The following EFR3A variants were observed in gnomAD, a reference collection of about 807,000 sequenced individuals.
EFR3A encodes the protein EFR3 homolog A, also known as protein EFR3 homolog A.
A neutral mutation model predicts 104.4 loss-of-function variants in EFR3A; 76 were observed. The observed-to-expected ratio is 0.73, with a 90% confidence interval of 0.60 to 0.88. The LOEUF is 0.88. Among genes scored for constraint, EFR3A ranks in the 40% least tolerant of loss-of-function variants. EFR3A has a pLI of 0.00. For missense variants in EFR3A, 985 were observed against 1,012.5 expected (o/e 0.97, Z 0.37); for synonymous variants, 330 against 330.0 (o/e 1.00, Z 0.00).
chr8:131,978,893 G>A lies in EFR3A; in HGVS notation c.1373G>A (p.Gly458Glu), dbSNP rs1462655161. 2 of 1,611,530 alleles carry A rather than the reference G, an allele frequency of 1.2e-6. No homozygotes were observed. Among genetic ancestry groups the A allele is most frequent in the African/African-American group, 1.3e-5 (1 of 74,824 alleles). The change falls in exon 13 of 23, where the codon GGG (glycine) becomes GAG (glutamate). Residue 458 changes from glycine to glutamate, a missense_variant. Coordinates refer to ENST00000254624, the MANE Select transcript of EFR3A (RefSeq NM_015137.6). ...KAKTIVTALP[G>E]SFLDPLLSPS... The stretch of plus-strand genomic sequence containing the variant: ...AAGACGATTGTTACTGCACTGCCAG[G>A]GTCTTTCCTGGATCCTTTGTTATCA...
At chr8:131,909,384 A>C (rs1444408352) in intron 1 of EFR3A, among the ~76,000 whole-genome samples, 1 of 151,922 alleles carries the variant, frequency 6.6e-6, no homozygotes, top group Non-Finnish European at 1.5e-5. Context: ...CCGCCTCTAC[A>C]GAAAAATTAA....
intron 18 of EFR3A, among the ~76,000 whole-genome samples, chr8:131,992,755 A>T (rs757767514): frequency 1.3e-5 from 2 of 152,174 alleles, no homozygotes; most frequent in Non-Finnish European, 2.9e-5. Context: ...GCGTGCACAG[A>T]GGTTAGAAAA....
intron 1 of EFR3A, among the ~76,000 whole-genome samples, chr8:131,908,510 A>G (rs767130036): frequency 6.6e-6 from 1 of 152,216 alleles, no homozygotes; most frequent in Non-Finnish European, 1.5e-5. Flanking sequence ...ATTGTGTGGT[A>G]GGCAGTATAC....
intron 5 of EFR3A, among the ~76,000 whole-genome samples, chr8:131,953,044 TG>T (rs1175474417): frequency 6.6e-6 from 1 of 152,168 alleles, no homozygotes; most frequent in African/African-American, 2.4e-5. Flanking sequence ...CTTGAGACTT[TG>T]TTCTTTTGCA....
At chr8:131,953,048 C>T (rs571237601) in intron 5 of EFR3A, among the ~76,000 whole-genome samples, 2 of 152,170 alleles carry the variant, frequency 1.3e-5, no homozygotes, top group African/African-American at 4.8e-5. Flanking sequence ...AGACTTTGTT[C>T]TTTTGCAGTT....
chr8:131,910,487 G>A (rs1816464718), intron 1 of EFR3A, among the ~76,000 whole-genome samples: 1 of 152,246 alleles, frequency 6.6e-6, no homozygotes, highest in African/African-American at 2.4e-5. Context: ...TGCCCAGCAT[G>A]GTCTTGAACT....
intron 2 of EFR3A, among the ~76,000 whole-genome samples, chr8:131,941,396 C>G (rs981589107): frequency 1.3e-5 from 2 of 151,812 alleles, no homozygotes; most frequent in Non-Finnish European, 2.9e-5. Flanking sequence ...TAAAATGTAA[C>G]AAACTGTATA....
At position 131,970,571 on chromosome 8, in the gene EFR3A, A is replaced by G. The variant is rs373562940; in HGVS notation, c.1087A>G (p.Ser363Gly). 1.9e-6 allele frequency: 3 copies of G among 1,613,730 alleles called. No individual in the cohort carries two copies. Among genetic ancestry groups the G allele is most frequent in the Admixed American group, 1.7e-5 (1 of 60,004 alleles). ...TGATTTACAGGGGGGATCTGTAGGC[A>G]GTGTCAACTTAAATACAAGTTCCAA... is the stretch of plus-strand genomic sequence containing the variant. ...ANDLQGGSVG[S>G]VNLNTSSKDN... Residue 363 changes from serine (S) to glycine (G), a missense_variant, in exon 10 of 23, where the codon AGT becomes GGT. Ser to Gly is a moderately conservative substitution (Grantham distance 56). Transcript: ENST00000254624.
At chr8:131,975,970 A>T in intron 10 of EFR3A, 57 bp from the exon 11 acceptor site, 2 of 1,071,148 alleles carry the variant, frequency 1.9e-6, no homozygotes, top group Non-Finnish European at 2.8e-6. Context: ...ATAATTTTGT[A>T]TTATATGGAA....
At chr8:131,936,946 C>A (rs1364064887) in intron 1 of EFR3A, among the ~76,000 whole-genome samples, 1 of 152,016 alleles carries the variant, frequency 6.6e-6, no homozygotes, top group Non-Finnish European at 1.5e-5. Context: ...CCACCTGTAA[C>A]CAACTTAACT....
At chr8:131,952,178 C>T (rs561821650) in intron 5 of EFR3A, among the ~76,000 whole-genome samples, 25 of 152,204 alleles carry the variant, frequency 1.6e-4, no homozygotes, top group Admixed American at 5.9e-4. Flanking sequence ...TCATCCTCGT[C>T]GTGGTTAGCA....
At chr8:131,956,555 A>G (rs979196595) in intron 7 of EFR3A, among the ~76,000 whole-genome samples, 2 of 152,122 alleles carry the variant, frequency 1.3e-5, no homozygotes, top group African/African-American at 4.8e-5. Flanking sequence ...CATTTTTGCT[A>G]GTCTTTCTTT....
At chr8:131,905,925 G>A (rs1454479851) in intron 1 of EFR3A, among the ~76,000 whole-genome samples, 1 of 152,196 alleles carries the variant, frequency 6.6e-6, no homozygotes, top group South Asian at 2.1e-4. Flanking sequence ...TAGTAAACTC[G>A]TTTCTTTTCA....
chr8:131,994,400 G>A (rs867886777), intron 18 of EFR3A, among the ~76,000 whole-genome samples: 1 of 152,158 alleles, frequency 6.6e-6, no homozygotes, highest in South Asian at 2.1e-4. Context: ...TCAGGTAGCT[G>A]GAGAGGGCCT....
In EFR3A at chr8:131,984,921, TA is replaced by T; in HGVS notation, c.1738-7del. The T allele has an allele frequency of 2.5e-6, 4 of 1,611,730 alleles. No homozygotes were observed. Among genetic ancestry groups the T allele is most frequent in the Non-Finnish European group, 2.5e-6 (3 of 1,178,494 alleles). On this transcript the variant is annotated splice_polypyrimidine_tract_variant and splice_region_variant and intron_variant, in intron 15 of 22. Transcript: ENST00000254624. Reference sequence around the variant, plus strand: ...TGATCTCTCTGATGTGTTTGTTTCTTATTAAAGGACAGTGCAATTATCAATG... The same window carrying T: ...TGATCTCTCTGATGTGTTTGTTTCTTTTAAAGGACAGTGCAATTATCAATG...
At position 131,940,325 on chromosome 8, in the gene EFR3A, A is replaced by G. The variant is rs796570084; in HGVS notation, c.11-174A>G. On this transcript the variant is annotated intron_variant, in intron 1 of 22. Transcript: ENST00000254624. ...GAAGCTGTGTGTCTTTGGAGTAAGGATAAGAAATTTAACTTTGTCTTTTCT... is the reference window on the plus strand; with the variant it reads ...GAAGCTGTGTGTCTTTGGAGTAAGGGTAAGAAATTTAACTTTGTCTTTTCT... 7 of 664,898 alleles carry G rather than the reference A, an allele frequency of 1.1e-5. No individual in the cohort carries two copies. The African/African-American group carries it at 1.3e-4, about 12-fold the overall frequency. 41.2% of individuals were successfully genotyped at this position (664,898 alleles called of 1,614,324 possible).
At chr8:131,986,849 A>G (rs190453383) in intron 17 of EFR3A, among the ~76,000 whole-genome samples, 3 of 151,812 alleles carry the variant, frequency 2.0e-5, no homozygotes, top group Admixed American at 2.0e-4. Context: ...ACTGTTGGAT[A>G]TGTCTCTTAA....
At position 131,958,401 on chromosome 8, in the gene EFR3A, T is replaced by C. The variant is rs117414442; in HGVS notation, c.777-1184T>C. ...GTTCTGTAAATTCTCTGAATGTGTT[T>C]CTATCACTGCTTCTGTCCACTTTAT... On this transcript the variant is annotated intron_variant, in intron 7 of 22. Coordinates refer to ENST00000254624, the MANE Select transcript of EFR3A (RefSeq NM_015137.6). 5.0e-3 allele frequency among the ~76,000 whole-genome samples: 762 copies of C among 152,294 alleles called. 1 individual carries two copies. The highest frequency in any genetic ancestry group is 9.1e-3 in the South Asian group (44 of 4,832).
intron 1 of EFR3A, chr8:131,935,491 C>T (rs58095283): frequency 3.4e-5 from 15 of 447,748 alleles, no homozygotes; most frequent in African/African-American, 2.4e-4. Context: ...TAATCGTAGG[C>T]ACTGTCATTT....
Sources: gnomAD v4.1 joint callset for allele counts (sites outside exome capture counted in the v4.1 genomes callset) on GRCh38, gnomAD v4.1.1 for gene constraint, MANE v1.5 for transcripts, NCBI Gene and HGNC (gene_info 2026-07-23, HGNC 2026-07-21) for gene names.